The following ARHGEF38 variants were observed in gnomAD, a reference collection of about 807,000 sequenced individuals.
ARHGEF38 encodes the protein Rho guanine nucleotide exchange factor (GEF) 38.
A neutral mutation model predicts 79.9 loss-of-function variants in ARHGEF38; 79 were observed. The observed-to-expected ratio is 0.99, with a 90% CI of 0.82 to 1.19. The LOEUF (loss-of-function observed/expected upper bound fraction) is 1.19, where lower values mean the gene tolerates loss of function less well. Among genes scored for constraint, ARHGEF38 ranks in the 50% most tolerant of loss-of-function variants. The pLI, the probability that ARHGEF38 is intolerant of heterozygous loss-of-function variation, is 0.00. For missense variants in ARHGEF38, 962 were observed against 907.2 expected (o/e 1.06, Z -0.78); for synonymous variants, 366 against 328.3 (o/e 1.11, Z -1.24).
At position 105,666,318 on chromosome 4, in the gene ARHGEF38, CT is replaced by C. The variant is rs767406470; in HGVS notation, c.1688del (p.Leu563ArgfsTer49). 4.6e-6 allele frequency: 7 copies of C among 1,523,456 alleles called. No individual in the cohort carries two copies. The highest frequency in any genetic ancestry group is 3.4e-4 in the Middle Eastern group (2 of 5,920). 94.4% of individuals were successfully genotyped at this position (1,523,456 alleles called of 1,614,324 possible). A position where few individuals can be genotyped will look rare whatever the true frequency, so the allele number is the denominator to read the frequency against. The stretch of plus-strand genomic sequence containing the variant: ...TGAAAAGAAGAAACCTGTGCAGATT[CT>C]GGTGAGTTTGGCAGCATTCATGACA... The part of the protein sequence containing the change: ...SFEKKKPVQI[L>X]PEMPHQTDIH... On this transcript the variant is annotated frameshift_variant and splice_region_variant, in exon 11 of 14. Transcript: ENST00000420470. LOFTEE classifies it high-confidence loss of function.
chr4:105,677,557 T>C (rs1364156082), intron 13 of ARHGEF38, among the ~76,000 whole-genome samples, 195 bp from the exon 14 acceptor site: 2 of 152,226 alleles, frequency 1.3e-5, no homozygotes, highest in African/African-American at 2.4e-5. Context: ...AACAGAATAA[T>C]AGGAATACCT....
intron 2 of ARHGEF38, among the ~76,000 whole-genome samples, chr4:105,596,882 A>G (rs557049727): frequency 6.6e-6 from 1 of 152,366 alleles, no homozygotes; most frequent in South Asian, 2.1e-4. Context: ...GCTGTGGAAC[A>G]GCACTCCCAG....
intron 2 of ARHGEF38, among the ~76,000 whole-genome samples, chr4:105,591,250 A>G (rs1352875836): frequency 6.6e-6 from 1 of 151,990 alleles, no homozygotes; most frequent in African/African-American, 2.4e-5. Context: ...TTGTTTTGTG[A>G]CAGAGTCTCG....
Position 105,567,106 on chromosome 4 carries a change from A to C in ARHGEF38, c.196+14145A>C, listed in dbSNP as rs1048401709. On this transcript the variant is annotated intron_variant, in intron 1 of 13. Transcript: ENST00000420470. The stretch of plus-strand genomic sequence containing the variant: ...AATTTTTAGCACCCACAGATAAGTG[A>C]GAACATGCAAAGTTTGTCTTTCTGT... Among the ~76,000 whole-genome samples, 21 of 152,298 alleles carry C rather than the reference A, an allele frequency of 1.4e-4. 1 individual carries two copies. The highest frequency in any genetic ancestry group is 3.1e-4 in the Non-Finnish European group (21 of 68,008).
chr4:105,616,759 C>A (rs1039881304), intron 3 of ARHGEF38, among the ~76,000 whole-genome samples: 2 of 152,050 alleles, frequency 1.3e-5, no homozygotes, highest in African/African-American at 4.8e-5. Context: ...TATCATTGAC[C>A]ATAGACAATC....
rs977848688 is a variant in ARHGEF38, at chr4:105,553,778, CGGT to C, written c.196+818_196+820del. The stretch of plus-strand genomic sequence containing the variant: ...TGGGCAGCATTTTAAGTCTTTTCTT[CGGT>C]ACTTGTTATGTGGTCCTCCAGAACT... On this transcript the variant is annotated intron_variant, in intron 1 of 13. Coordinates refer to ENST00000420470, the MANE Select transcript of ARHGEF38 (RefSeq NM_001242729.2). Among the ~76,000 whole-genome samples the C allele has an allele frequency of 3.1e-4, 47 of 152,150 alleles. 1 individual carries two copies. The highest frequency in any genetic ancestry group is 2.9e-3 in the Admixed American group (44 of 15,272).
At chr4:105,628,467 G>A (rs900339651) in intron 3 of ARHGEF38, among the ~76,000 whole-genome samples, 8 of 152,108 alleles carry the variant, frequency 5.3e-5, no homozygotes, top group African/African-American at 1.9e-4. Flanking sequence ...ATTCAGTCAC[G>A]GTTCTATTTT....
intron 1 of ARHGEF38, among the ~76,000 whole-genome samples, chr4:105,566,438 A>G (rs2110411630): frequency 6.6e-6 from 1 of 152,298 alleles, no homozygotes; most frequent in South Asian, 2.1e-4. Flanking sequence ...TTTTGTGGGT[A>G]CATAATAGGT....
intron 2 of ARHGEF38, among the ~76,000 whole-genome samples, chr4:105,597,826 C>G (rs931850357): frequency 6.6e-6 from 1 of 152,104 alleles, no homozygotes; most frequent in Non-Finnish European, 1.5e-5. Context: ...TTTTTTACAA[C>G]TGCATGTGAA....
chr4:105,555,714 A>C (rs1048292681), intron 1 of ARHGEF38, among the ~76,000 whole-genome samples: 1 of 152,130 alleles, frequency 6.6e-6, no homozygotes, highest in Non-Finnish European at 1.5e-5. Context: ...TAGTTATTTA[A>C]TTGGTTGTCC....
intron 1 of ARHGEF38, among the ~76,000 whole-genome samples, chr4:105,557,719 G>A (rs1264329484): frequency 1.3e-5 from 2 of 151,952 alleles, no homozygotes; most frequent in East Asian, 1.9e-4. Context: ...AAGATCTTCC[G>A]CATTAGGAAT....
At chr4:105,566,663 T>G (rs1725927402) in intron 1 of ARHGEF38, among the ~76,000 whole-genome samples, 1 of 152,168 alleles carries the variant, frequency 6.6e-6, no homozygotes, top group Admixed American at 6.5e-5. Flanking sequence ...ACTTACTTAT[T>G]ATTTCTAACT....
At chr4:105,646,200 A>C (rs1729832417) in intron 6 of ARHGEF38, among the ~76,000 whole-genome samples, 1 of 152,174 alleles carries the variant, frequency 6.6e-6, no homozygotes, top group Non-Finnish European at 1.5e-5. Flanking sequence ...AAAGTCATAT[A>C]TTTGTATTAG....
At chr4:105,600,076 C>T (rs538284047) in intron 2 of ARHGEF38, among the ~76,000 whole-genome samples, 1 of 152,226 alleles carries the variant, frequency 6.6e-6, no homozygotes, top group Non-Finnish European at 1.5e-5. Context: ...GTTGAATATG[C>T]AAATTAAAAG....
chr4:105,620,344 C>T (rs1007705019), intron 3 of ARHGEF38, among the ~76,000 whole-genome samples: 7 of 152,124 alleles, frequency 4.6e-5, no homozygotes, highest in Non-Finnish European at 8.8e-5. Context: ...GTTACAAAAC[C>T]TAATTGAACT....
At chr4:105,601,149 C>G (rs527770027) in intron 2 of ARHGEF38, among the ~76,000 whole-genome samples, 1 of 152,238 alleles carries the variant, frequency 6.6e-6, no homozygotes, top group Admixed American at 6.5e-5. Context: ...TCATGATGAC[C>G]TACAAGGTCC....
intron 11 of ARHGEF38, among the ~76,000 whole-genome samples, 177 bp from the exon 12 acceptor site, chr4:105,666,952 A>G (rs926477171): frequency 1.8e-4 from 28 of 152,168 alleles, no homozygotes; most frequent in Admixed American, 9.2e-4. Flanking sequence ...TTTTCCCTGA[A>G]TAACTCAGCT....
intron 1 of ARHGEF38, among the ~76,000 whole-genome samples, chr4:105,574,391 CA>C (rs1032098380): frequency 3.3e-5 from 5 of 150,902 alleles, no homozygotes; most frequent in South Asian, 2.1e-4. Flanking sequence ...ACTAAAGATA[CA>C]AAAAAAAATT....
At chr4:105,681,932 C>G (rs1033691643), downstream of ARHGEF38, among the ~76,000 whole-genome samples, 1 of 152,148 alleles carries the variant, frequency 6.6e-6, no homozygotes, top group Non-Finnish European at 1.5e-5. Flanking sequence ...AGTGTGTGAA[C>G]AAGTCATATA....
Sources: allele counts gnomAD v4.1 joint callset (sites outside exome capture counted in the v4.1 genomes callset), GRCh38; gene constraint gnomAD v4.1.1; transcripts MANE v1.5; gene names NCBI Gene and HGNC (gene_info 2026-07-23, HGNC 2026-07-21).